The following RFC3 variants were observed in gnomAD, a reference collection of about 807,000 sequenced individuals.
RFC3 encodes the protein A1 38 kDa subunit.
Under a neutral mutation model 45.1 loss-of-function variants are expected in RFC3, and 41 were observed. That is an observed-to-expected ratio of 0.91 (90% CI 0.71 to 1.18). The LOEUF is 1.18. Among genes scored for constraint, RFC3 ranks in the 50% most tolerant of loss-of-function variants. The pLI, the probability that RFC3 is intolerant of heterozygous loss-of-function variation, is 0.00. For missense variants in RFC3, 423 were observed against 428.1 expected, an observed-to-expected ratio of 0.99 and a Z score of 0.10; for synonymous variants, 149 against 144.0, an observed-to-expected ratio of 1.03 and a Z score of -0.25.
downstream of RFC3, among the ~76,000 whole-genome samples, chr13:33,967,976 G>A (rs1438775713): frequency 6.6e-6 from 1 of 152,176 alleles, no homozygotes; most frequent in Non-Finnish European, 1.5e-5. Flanking sequence ...CTAGGGTAAT[G>A]AAGACTGAGA....
chr13:33,943,672 T>C (rs2082938134), intron 8 of RFC3, among the ~76,000 whole-genome samples: 2 of 152,158 alleles, frequency 1.3e-5, no homozygotes, highest in Admixed American at 1.3e-4. Context: ...ATCTTAGGCT[T>C]GTAGTCCTCT....
At chr13:33,947,441 C>T (rs1040366378) in intron 8 of RFC3, among the ~76,000 whole-genome samples, 6 of 151,674 alleles carry the variant, frequency 4.0e-5, no homozygotes, top group African/African-American at 1.2e-4. Context: ...TCTAGCAGTT[C>T]TTTATAGCAG....
intron 7 of RFC3, among the ~76,000 whole-genome samples, chr13:33,834,172 CTTT>C (rs1418308532): frequency 1.3e-5 from 2 of 148,528 alleles, no homozygotes; most frequent in Non-Finnish European, 3.0e-5. Context: ...TTTTCCCCCA[CTTT>C]TTTTAAGATT....
rs60658488 is a variant in RFC3, at chr13:33,902,914, TA to T, written c.880-63160del. Among the ~76,000 whole-genome samples the T allele has an allele frequency of 5.7e-3, 819 of 144,826 alleles. 4 individuals carry two copies. The highest frequency in any genetic ancestry group is 0.015 in the African/African-American group (614 of 40,486). On this transcript the variant is annotated intron_variant, in intron 8 of 8. Coordinates refer to the RFC3 transcript ENST00000434425. ...AATACCCTAACGATAGCTGATGAGC[TA>T]AAAAAAAAAAAATTGCAAAAAGATC...
intron 8 of RFC3, among the ~76,000 whole-genome samples, chr13:33,845,158 G>A (rs903236244): frequency 1.3e-5 from 2 of 152,158 alleles, no homozygotes; most frequent in African/African-American, 4.8e-5. Context: ...ACATATTGGA[G>A]CCCCATTGTA....
At chr13:33,833,111 G>T (rs887627425) in intron 7 of RFC3, among the ~76,000 whole-genome samples, 1 of 152,058 alleles carries the variant, frequency 6.6e-6, no homozygotes, top group Non-Finnish European at 1.5e-5. Context: ...AAAGCCTTGG[G>T]GCTGGCCAGA....
At chr13:33,889,940 T>C (rs969582410) in intron 8 of RFC3, among the ~76,000 whole-genome samples, 1 of 152,202 alleles carries the variant, frequency 6.6e-6, no homozygotes, top group African/African-American at 2.4e-5. Flanking sequence ...CAAAGACATT[T>C]TGTTAGCCTA....
chr13:33,872,792 A>AAC (rs1555235482), intron 8 of RFC3, among the ~76,000 whole-genome samples: 2 of 97,510 alleles, frequency 2.1e-5, no homozygotes, highest in Non-Finnish European at 3.9e-5. Context: ...AAGAAACCAA[A>AAC]CCCCCCCCCC....
chr13:33,938,159 C>T (rs1247722474), intron 8 of RFC3, among the ~76,000 whole-genome samples: 1 of 116,806 alleles, frequency 8.6e-6, no homozygotes, highest in Non-Finnish European at 1.6e-5. Context: ...TTTTCACAGC[C>T]ACAGCTCAAG....
chr13:33,843,726 C>G (rs1439509922), intron 8 of RFC3, among the ~76,000 whole-genome samples: 1 of 152,198 alleles, frequency 6.6e-6, no homozygotes, highest in Non-Finnish European at 1.5e-5. Flanking sequence ...ATGGGTGCCA[C>G]TCTAATAAAT....
chr13:33,837,988 A>G (rs2082170677), downstream of RFC3, among the ~76,000 whole-genome samples: 1 of 151,950 alleles, frequency 6.6e-6, no homozygotes, highest in Non-Finnish European at 1.5e-5. Context: ...TTCAATTTCC[A>G]AGTCCTTAGG....
chr13:33,898,597 T>TTA (rs1283290554), intron 8 of RFC3, among the ~76,000 whole-genome samples: 7 of 151,790 alleles, frequency 4.6e-5, no homozygotes, highest in African/African-American at 1.7e-4. Flanking sequence ...TACCTCAATG[T>TTA]ACTAGGGAGG....
chr13:33,820,749 TAGTC>T (rs1446674832), intron 1 of RFC3, among the ~76,000 whole-genome samples: 1 of 152,172 alleles, frequency 6.6e-6, no homozygotes, highest in Non-Finnish European at 1.5e-5. Context: ...GTCTGTTCAT[TAGTC>T]AGTCCTTTAT....
At chr13:33,894,262 A>G (rs899495365) in intron 8 of RFC3, among the ~76,000 whole-genome samples, 5 of 152,300 alleles carry the variant, frequency 3.3e-5, no homozygotes, top group Non-Finnish European at 5.9e-5. Context: ...GGGGAGGGCC[A>G]TAACCCTACC....
chr13:33,926,369 A>T (rs139357266), intron 8 of RFC3, among the ~76,000 whole-genome samples: 2,583 of 152,054 alleles, frequency 0.017, 122 homozygotes, highest in Admixed American at 0.098. Flanking sequence ...AATAATAAAT[A>T]AATAAATTAA....
At chr13:33,861,805 G>A (rs1254224951) in intron 8 of RFC3, among the ~76,000 whole-genome samples, 3 of 152,064 alleles carry the variant, frequency 2.0e-5, no homozygotes, top group East Asian at 1.9e-4. Context: ...ATTTTGTACC[G>A]ACACTGTGCC....
At chr13:33,819,960 C>CT (rs1362712716) in intron 1 of RFC3, among the ~76,000 whole-genome samples, 1 of 152,276 alleles carries the variant, frequency 6.6e-6, no homozygotes, top group East Asian at 1.9e-4. Flanking sequence ...TTGAATAGTT[C>CT]TTTTCCTTGG....
chr13:33,894,649 T>A (rs1022870961), intron 8 of RFC3, among the ~76,000 whole-genome samples: 5 of 152,134 alleles, frequency 3.3e-5, no homozygotes, highest in Non-Finnish European at 7.4e-5. Flanking sequence ...CTGGGGCAAT[T>A]TTGGGTTCTG....
chr13:33,889,286 CAG>C (rs1158513567), intron 8 of RFC3, among the ~76,000 whole-genome samples: 2 of 152,188 alleles, frequency 1.3e-5, no homozygotes, highest in African/African-American at 4.8e-5. Context: ...GTTGAACCAA[CAG>C]GGCTGGGCTA....
Sources: allele counts gnomAD v4.1 joint callset (sites outside exome capture counted in the v4.1 genomes callset), GRCh38; gene constraint gnomAD v4.1.1; transcripts MANE v1.5; gene names NCBI Gene and HGNC (gene_info 2026-07-23, HGNC 2026-07-21).